Variants in DNAH14 observed in about 807,000 individuals in gnomAD.
The protein encoded by DNAH14 is axonemal beta dynein heavy chain 14.
Under a neutral mutation model 520.9 loss-of-function variants are expected in DNAH14, and 478 were observed. That is an observed-to-expected ratio of 0.92 (90% CI 0.85 to 0.99). The LOEUF (loss-of-function observed/expected upper bound fraction) is 0.99, where lower values mean the gene tolerates loss of function less well. Ranked by LOEUF, DNAH14 falls within the 50% of genes least tolerant of loss-of-function variation. The pLI, the probability that DNAH14 is intolerant of heterozygous loss-of-function variation, is 0.00. For synonymous variants in DNAH14, 1,581 were observed against 1,757.2 expected, an observed-to-expected ratio of 0.90 and a Z score of 2.51; for missense variants, 4,831 against 5,234.5, an observed-to-expected ratio of 0.92 and a Z score of 2.38.
At chr1:225,376,877 C>T (rs1327114593) in intron 78 of DNAH14, among the ~76,000 whole-genome samples, 1 of 152,128 alleles carries the variant, frequency 6.6e-6, no homozygotes, top group Non-Finnish European at 1.5e-5. Context: ...TTCTCACATT[C>T]CTTCTATAGG....
At chr1:225,142,087 G>A (rs2079511981) in intron 28 of DNAH14, among the ~76,000 whole-genome samples, 1 of 152,014 alleles carries the variant, frequency 6.6e-6, no homozygotes, top group South Asian at 2.1e-4. Flanking sequence ...AAGCATAAAT[G>A]TATACTTTCT....
intron 50 of DNAH14, 131 bp downstream of exon 50, chr1:225,270,997 T>A: frequency 1.0e-6 from 1 of 998,068 alleles, no homozygotes; most frequent in Middle Eastern, 2.8e-4. Context: ...CCCGTATGTT[T>A]TCTGGCCTAT....
chr1:225,088,391 TG>T (rs1189145527), intron 21 of DNAH14, among the ~76,000 whole-genome samples: 1 of 152,120 alleles, frequency 6.6e-6, no homozygotes, highest in Non-Finnish European at 1.5e-5. Context: ...AAAAATACAT[TG>T]GATGAAATTA....
chr1:225,010,357 T>TG (rs1472365614), intron 10 of DNAH14, among the ~76,000 whole-genome samples: 1 of 152,228 alleles, frequency 6.6e-6, no homozygotes, highest in Non-Finnish European at 1.5e-5. Context: ...GATAATCATG[T>TG]GGATTTCATC....
At chr1:225,250,759 A>C (rs2092511229) in intron 43 of DNAH14, 1 of 483,622 alleles carries the variant, frequency 2.1e-6, no homozygotes, top group African/African-American at 2.0e-5. Flanking sequence ...AAGCAGTGTA[A>C]ATGGGCTTGG....
At chr1:225,306,561 C>G (rs2094246660) in intron 58 of DNAH14, among the ~76,000 whole-genome samples, 1 of 152,142 alleles carries the variant, frequency 6.6e-6, no homozygotes, top group Non-Finnish European at 1.5e-5. Flanking sequence ...TGTCCCCTCC[C>G]CATCATCCAG....
intron 17 of DNAH14, among the ~76,000 whole-genome samples, chr1:225,062,318 G>GAA (rs201097077): frequency 0.016 from 2,360 of 152,018 alleles, 21 homozygotes; most frequent in Non-Finnish European, 0.025. Context: ...GAGAGAGAGA[G>GAA]AAAGAAAGAG....
chr1:225,193,039 A>G (rs2085651608), intron 38 of DNAH14, 128 bp downstream of exon 38: 1 of 731,624 alleles, frequency 1.4e-6, no homozygotes, highest in African/African-American at 1.8e-5. Context: ...AATCTTATGA[A>G]TAGTTTTTAA....
At chr1:224,939,206 TATTA>T (rs1293109344) in intron 1 of DNAH14, among the ~76,000 whole-genome samples, 1 of 152,236 alleles carries the variant, frequency 6.6e-6, no homozygotes, top group Non-Finnish European at 1.5e-5. Flanking sequence ...ATTTTGAGGA[TATTA>T]ATTTATTGTC....
chr1:225,169,604 A>G (rs1453266524), intron 36 of DNAH14, among the ~76,000 whole-genome samples: 2 of 152,228 alleles, frequency 1.3e-5, no homozygotes, highest in Non-Finnish European at 2.9e-5. Flanking sequence ...CAAAGCCTCC[A>G]AGAAATATGG....
chr1:225,151,827 T>C, intron 31 of DNAH14, 178 bp from the exon 32 acceptor site: 1 of 692,032 alleles, frequency 1.4e-6, no homozygotes, highest in Non-Finnish European at 2.6e-6. Context: ...ATGACAACTT[T>C]GGCTCAGCAT....
At chr1:225,072,892 G>A (rs1180356659) in intron 17 of DNAH14, among the ~76,000 whole-genome samples, 1 of 152,092 alleles carries the variant, frequency 6.6e-6, no homozygotes. Context: ...GCCATCCCAG[G>A]GAGGTAAGGA....
In DNAH14 at chr1:225,192,826, GAAGTTATGTATATTTTAACACACCA is replaced by G; in HGVS notation, c.5805_5829del (p.Ser1935ArgfsTer11). On this transcript the variant is annotated frameshift_variant, in exon 38 of 86. Transcript: ENST00000682510. LOFTEE classifies it high-confidence loss of function. ...GATGGATTATTATCAGCAACAATTCGAAGTTATGTATATTTTAACACACCAAAGAACACAAAGAAAGACATTGATC... is the reference window on the plus strand; with the variant it reads ...GATGGATTATTATCAGCAACAATTCGAAGAACACAAAGAAAGACATTGATC... 1 of 1,550,164 alleles carries G rather than the reference GAAGTTATGTATATTTTAACACACCA, an allele frequency of 6.5e-7. No individual in the cohort carries two copies. Among genetic ancestry groups the G allele is most frequent in the Non-Finnish European group, 8.7e-7 (1 of 1,146,070 alleles).
At chr1:225,013,093 C>T (rs1419951086) in intron 10 of DNAH14, among the ~76,000 whole-genome samples, 3 of 152,078 alleles carry the variant, frequency 2.0e-5, no homozygotes, top group African/African-American at 7.2e-5. Flanking sequence ...TCCTCATCTT[C>T]GTGGATTTAT....
Position 225,271,893 on chromosome 1 carries a change from T to A in DNAH14, c.7672-13T>A. 1 of 1,535,888 alleles carries A rather than the reference T, an allele frequency of 6.5e-7. No individual in the cohort carries two copies. Among genetic ancestry groups the A allele is most frequent in the Non-Finnish European group, 8.8e-7 (1 of 1,142,482 alleles). On this transcript the variant is annotated splice_polypyrimidine_tract_variant and intron_variant, in intron 50 of 85. Transcript: ENST00000682510. ...ATTTTTGGCAAGCTAAATTATAACA[T>A]TTCTTTTTAAAGGCTCATTTGGGAA...
intron 36 of DNAH14, 29 bp downstream of exon 36, chr1:225,168,057 C>T (rs957186720): frequency 5.2e-5 from 65 of 1,245,638 alleles, no homozygotes; most frequent in Non-Finnish European, 6.9e-5. Context: ...GTTAGCAATC[C>T]TTTGCCTGTA....
intron 41 of DNAH14, among the ~76,000 whole-genome samples, chr1:225,220,437 T>G (rs1294422011): frequency 1.3e-5 from 2 of 152,236 alleles, no homozygotes; most frequent in Non-Finnish European, 2.9e-5. Context: ...ACTCTTAAGC[T>G]GATAAGCAAC....
At position 225,026,207 on chromosome 1, in the gene DNAH14, A is replaced by G. The variant is rs373603791; in HGVS notation, c.1358+2342A>G. 2.6e-5 allele frequency among the ~76,000 whole-genome samples: 4 copies of G among 151,524 alleles called. No homozygotes were observed. The South Asian group carries it at 8.4e-4, about 32-fold the overall frequency. Reference sequence around the variant, plus strand: ...TCTGTGGGTCTTCTTTTCTTTTTTTAATAGTATCCTTTGGAGTAAAAAAGT... The same window carrying G: ...TCTGTGGGTCTTCTTTTCTTTTTTTGATAGTATCCTTTGGAGTAAAAAAGT... On this transcript the variant is annotated intron_variant, in intron 11 of 85. Transcript: ENST00000682510.
At chr1:225,249,442 A>T (rs915232238) in intron 43 of DNAH14, among the ~76,000 whole-genome samples, 1 of 152,142 alleles carries the variant, frequency 6.6e-6, no homozygotes, top group Non-Finnish European at 1.5e-5. Context: ...TTTGGGATGG[A>T]CAGTAATAAA....
Sources: gnomAD v4.1 joint callset for allele counts (sites outside exome capture counted in the v4.1 genomes callset) on GRCh38, gnomAD v4.1.1 for gene constraint, MANE v1.5 for transcripts, NCBI Gene and HGNC (gene_info 2026-07-23, HGNC 2026-07-21) for gene names.